PTPRT: variants seen among roughly 807,000 people sequenced by gnomAD.
The protein encoded by PTPRT is protein tyrosine phosphatase receptor type T.
Under a neutral mutation model 176.8 loss-of-function variants are expected in PTPRT, and 56 were observed. That is an observed-to-expected ratio of 0.32 (90% CI 0.26 to 0.40). The LOEUF is 0.40. PTPRT is among the 10% of genes least tolerant of loss of function. The pLI, the probability that PTPRT is intolerant of heterozygous loss-of-function variation, is 1.00. For synonymous variants in PTPRT, 783 were observed against 739.0 expected (o/e 1.06, Z -0.96); for missense variants, 1,540 against 1,908.2 (o/e 0.81, Z 3.60).
chr20:42,173,787 G>A (rs1990170905), intron 16 of PTPRT, among the ~76,000 whole-genome samples: 1 of 152,134 alleles, frequency 6.6e-6, no homozygotes, highest in Non-Finnish European at 1.5e-5. Flanking sequence ...GACTTTTTAA[G>A]TCTTTTAACT....
In PTPRT at chr20:42,326,625, T is replaced by C. The variant is rs532764924; in HGVS notation, c.1866-10629A>G. On this transcript the variant is annotated intron_variant, in intron 11 of 30. Transcript: ENST00000373187. Reference sequence around the variant, plus strand: ...AAATAAGAAACGTATAGGACTGACATTGGAAGGAAAATAAAACTCTACTGA... The same window carrying C: ...AAATAAGAAACGTATAGGACTGACACTGGAAGGAAAATAAAACTCTACTGA... Among the ~76,000 whole-genome samples, 6 of 152,142 alleles carry C rather than the reference T, an allele frequency of 3.9e-5. 1 individual carries two copies. In the East Asian group the frequency reaches 1.2e-3, roughly 29 times the overall value.
intron 7 of PTPRT, among the ~76,000 whole-genome samples, chr20:42,473,498 G>A (rs1368676097): frequency 2.6e-5 from 4 of 152,002 alleles, no homozygotes; most frequent in Non-Finnish European, 4.4e-5. Flanking sequence ...TCTTTGAGAT[G>A]GGAGTCTGAC....
intron 8 of PTPRT, among the ~76,000 whole-genome samples, chr20:42,458,727 T>C (rs1433383039): frequency 6.6e-6 from 1 of 152,228 alleles, no homozygotes; most frequent in Non-Finnish European, 1.5e-5. Flanking sequence ...CTATATCTTC[T>C]CATAGCTTAC....
At chr20:42,345,750 T>C (rs1325828934) in intron 11 of PTPRT, among the ~76,000 whole-genome samples, 3 of 151,282 alleles carry the variant, frequency 2.0e-5, no homozygotes, top group Non-Finnish European at 4.4e-5. Flanking sequence ...AAAAAATATA[T>C]ATATATGAAC....
chr20:42,611,081 T>G (rs2073967896), intron 7 of PTPRT, among the ~76,000 whole-genome samples: 1 of 152,210 alleles, frequency 6.6e-6, no homozygotes, highest in African/African-American at 2.4e-5. Context: ...CTGATGGGCA[T>G]GTGGGCGGTT....
intron 9 of PTPRT, among the ~76,000 whole-genome samples, chr20:42,428,331 T>C (rs2059185132): frequency 6.6e-6 from 1 of 152,236 alleles, no homozygotes; most frequent in Non-Finnish European, 1.5e-5. Flanking sequence ...TTAGGTTTCT[T>C]TTCATTTTTC....
At chr20:42,133,141 T>C (rs1032515349) in intron 18 of PTPRT, among the ~76,000 whole-genome samples, 1 of 152,226 alleles carries the variant, frequency 6.6e-6, no homozygotes, top group African/African-American at 2.4e-5. Flanking sequence ...TAAAATGTAC[T>C]TTGTATTAGA....
chr20:42,124,673 G>A (rs570019030), intron 19 of PTPRT, among the ~76,000 whole-genome samples: 2 of 152,370 alleles, frequency 1.3e-5, no homozygotes, highest in Non-Finnish European at 2.9e-5. Context: ...GGGTGATGGA[G>A]TGAGGACCTA....
intron 12 of PTPRT, among the ~76,000 whole-genome samples, chr20:42,311,403 A>G (rs6072680): frequency 0.6 from 91,744 of 152,012 alleles, 30,609 homozygotes; most frequent in East Asian, 0.85. Flanking sequence ...CTTAACATCC[A>G]TAGAACAAAG....
chr20:43,132,904 AT>A (rs1229527218), intron 1 of PTPRT, among the ~76,000 whole-genome samples: 2 of 152,184 alleles, frequency 1.3e-5, no homozygotes, highest in Non-Finnish European at 2.9e-5. Context: ...AATATGACAT[AT>A]AATTATATAT....
chr20:42,857,604 T>C (rs986238768), intron 2 of PTPRT, among the ~76,000 whole-genome samples: 10 of 152,344 alleles, frequency 6.6e-5, no homozygotes, highest in Middle Eastern at 3.4e-3. Flanking sequence ...GCTCAGCGAC[T>C]GCTAAGTGGT....
intron 1 of PTPRT, among the ~76,000 whole-genome samples, chr20:43,030,484 G>C (rs183061900): frequency 6.7e-6 from 1 of 148,604 alleles, no homozygotes; most frequent in African/African-American, 2.6e-5. Context: ...TAGCCCAAAA[G>C]GGGGAAAGGG....
intron 7 of PTPRT, among the ~76,000 whole-genome samples, chr20:42,512,568 G>C (rs1019155907): frequency 1.3e-5 from 2 of 152,118 alleles, no homozygotes; most frequent in African/African-American, 4.8e-5. Context: ...ATTATGAATA[G>C]ATCTGCTATA....
At chr20:42,654,470 C>G (rs2075088136) in intron 7 of PTPRT, among the ~76,000 whole-genome samples, 1 of 152,164 alleles carries the variant, frequency 6.6e-6, no homozygotes, top group African/African-American at 2.4e-5. Context: ...ACATCCAGGG[C>G]CACTCTACCC....
chr20:42,449,428 TC>T (rs2070787090), intron 8 of PTPRT, among the ~76,000 whole-genome samples: 1 of 152,202 alleles, frequency 6.6e-6, no homozygotes, highest in South Asian at 2.1e-4. Context: ...CCCCAAACTT[TC>T]TGCTGTAACC....
At chr20:42,439,116 G>A (rs900910321) in intron 9 of PTPRT, among the ~76,000 whole-genome samples, 1 of 152,182 alleles carries the variant, frequency 6.6e-6, no homozygotes, top group Non-Finnish European at 1.5e-5. Context: ...AGGGATGCCT[G>A]CATTTTTCAA....
intron 1 of PTPRT, among the ~76,000 whole-genome samples, chr20:43,062,377 G>A (rs573231122): frequency 1.3e-4 from 20 of 152,338 alleles, no homozygotes; most frequent in Non-Finnish European, 1.8e-4. Flanking sequence ...GTTTCAGGCT[G>A]TTGTCAGGGT....
intron 7 of PTPRT, among the ~76,000 whole-genome samples, chr20:42,490,142 G>A (rs1376208549): frequency 6.6e-6 from 1 of 152,106 alleles, no homozygotes; most frequent in African/African-American, 2.4e-5. Context: ...TGGCTTAATA[G>A]TATATTTTAT....
At position 42,143,678 on chromosome 20, in the gene PTPRT, T is replaced by C. The variant is rs185229286; in HGVS notation, c.2683-1676A>G. Among the ~76,000 whole-genome samples, 207 of 152,286 alleles carry C rather than the reference T, an allele frequency of 1.4e-3. 1 individual carries two copies. The highest frequency in any genetic ancestry group is 2.2e-3 in the Admixed American group (33 of 15,300). The stretch of plus-strand genomic sequence containing the variant: ...ATTTGCAGGATGTTCAGTTGAATGT[T>C]GTTGACTTGGGTTGCCTCGGAAGCA... On this transcript the variant is annotated intron_variant, in intron 17 of 30. Transcript: ENST00000373187.
Sources: gnomAD v4.1 joint callset for allele counts (sites outside exome capture counted in the v4.1 genomes callset) on GRCh38, gnomAD v4.1.1 for gene constraint, MANE v1.5 for transcripts, NCBI Gene and HGNC (gene_info 2026-07-23, HGNC 2026-07-21) for gene names.